UBE3C: variants seen among roughly 807,000 people sequenced by gnomAD.
The protein encoded by UBE3C is ubiquitin-protein ligase E3C.
UBE3C carries 42 observed loss-of-function variants against 129.4 expected under a neutral mutation model. The ratio of observed to expected loss-of-function variants is 0.32; its 90% CI spans 0.25 to 0.42. UBE3C has a LOEUF of 0.42. UBE3C is among the 10% of genes least tolerant of loss of function. The probability of loss-of-function intolerance (pLI) is 1.00; values close to 1 mark genes in which losing one functional copy is unlikely to be tolerated. For synonymous variants in UBE3C, 510 were observed against 492.4 expected, an observed-to-expected ratio of 1.04 and a Z score of -0.47; for missense variants, 1,049 against 1,319.1, an observed-to-expected ratio of 0.80 and a Z score of 3.17.
At chr7:157,210,060 C>A (rs1290149598) in intron 13 of UBE3C, among the ~76,000 whole-genome samples, 1 of 152,070 alleles carries the variant, frequency 6.6e-6, no homozygotes, top group African/African-American at 2.4e-5. Context: ...GCCTGTAATC[C>A]CAGCTACTAG....
chr7:157,256,939 T>C lies in UBE3C; in HGVS notation c.2976T>C (p.Val992=). ...YSGGYSADHP[V]IKVFWRVVEG... The stretch of plus-strand genomic sequence containing the variant: ...GAGGCTATTCTGCAGACCATCCTGT[T>C]ATTAAGGTCTTCTGGAGAGTTGTGG... Residue 992 remains valine, a synonymous_variant, in exon 22 of 23, where the codon GTT becomes GTC. Coordinates refer to ENST00000348165, the MANE Select transcript of UBE3C (RefSeq NM_014671.3). 1 of 1,614,186 alleles carries C rather than the reference T, an allele frequency of 6.2e-7. No homozygotes were observed. Among genetic ancestry groups the C allele is most frequent in the Non-Finnish European group, 8.5e-7 (1 of 1,180,022 alleles).
rs141928234 is a variant in UBE3C, at chr7:157,187,437, A to G, written c.1331+416A>G. ...CATCTCACTCTGTTGCCCAGAGTGCAGTGGTGTGATCATAGCTCACTGCAG... is the reference window on the plus strand; with the variant it reads ...CATCTCACTCTGTTGCCCAGAGTGCGGTGGTGTGATCATAGCTCACTGCAG... On this transcript the variant is annotated intron_variant, in intron 10 of 22. Coordinates refer to ENST00000348165, the MANE Select transcript of UBE3C (RefSeq NM_014671.3). 6.6e-3 allele frequency among the ~76,000 whole-genome samples: 982 copies of G among 148,024 alleles called. 10 individuals carry two copies. The highest frequency in any genetic ancestry group is 0.01 in the Non-Finnish European group (699 of 67,592).
At position 157,174,957 on chromosome 7, in the gene UBE3C, G is replaced by A. The variant is rs137977548; in HGVS notation, c.381G>A (p.Leu127=). 5.6e-5 allele frequency: 90 copies of A among 1,612,858 alleles called. No homozygotes were observed. The African/African-American group carries it at 8.1e-4, about 15-fold the overall frequency. ...AGAACTTAATTAAACACAGCTCTCTGTTTGTCAAGCAGTTGGATGGATCTG... is the reference window on the plus strand; with the variant it reads ...AGAACTTAATTAAACACAGCTCTCTATTTGTCAAGCAGTTGGATGGATCTG... ...LYQNLIKHSS[L]FVKQLDGSER... Residue 127 remains leucine, a synonymous_variant, in exon 5 of 23, where the codon CTG becomes CTA. Transcript: ENST00000348165.
chr7:157,261,324 A>G (rs1230785417), intron 22 of UBE3C, among the ~76,000 whole-genome samples: 2 of 140,626 alleles, frequency 1.4e-5, no homozygotes, highest in East Asian at 1.9e-4. Flanking sequence ...AAAAAAAAAA[A>G]AAAAAAAAAA....
intron 18 of UBE3C, among the ~76,000 whole-genome samples, chr7:157,235,140 A>C (rs1282714710): frequency 6.6e-6 from 1 of 152,218 alleles, no homozygotes; most frequent in Non-Finnish European, 1.5e-5. Context: ...TGGTGAGCCA[A>C]GGCCTTACCA....
chr7:157,225,292 G>A, intron 16 of UBE3C, 115 bp from the exon 17 acceptor site: 1 of 1,210,268 alleles, frequency 8.3e-7, no homozygotes, highest in Non-Finnish European at 1.1e-6. Context: ...TTGACTATTA[G>A]CATTTATTTC....
At chr7:157,191,511 G>C (rs944083175) in intron 10 of UBE3C, among the ~76,000 whole-genome samples, 5 of 152,086 alleles carry the variant, frequency 3.3e-5, no homozygotes, top group African/African-American at 1.2e-4. Flanking sequence ...GGCTGGTCTC[G>C]AACACCTGGG....
chr7:157,250,843 G>A (rs553874960), intron 19 of UBE3C, among the ~76,000 whole-genome samples: 2 of 152,254 alleles, frequency 1.3e-5, no homozygotes, highest in African/African-American at 4.8e-5. Context: ...GCCTTCGGAC[G>A]GTGAGTGTTG....
chr7:157,207,895 G>A lies in UBE3C; in HGVS notation c.1769G>A (p.Cys590Tyr). The A allele has an allele frequency of 6.2e-7, 1 of 1,609,778 alleles. No homozygotes were observed. Among genetic ancestry groups the A allele is most frequent in the Non-Finnish European group, 8.5e-7 (1 of 1,178,338 alleles). ...ACTACTAGCTCTGAAATGCAACAAT[G>A]CATACAGATGGAACAGAAAAGATGG... is the stretch of plus-strand genomic sequence containing the variant. ...GVTTSSEMQQCIQMEQKRWIQ... is the reference protein window; with the variant it reads ...GVTTSSEMQQYIQMEQKRWIQ... The change falls in exon 13 of 23, where the codon TGC (cysteine) becomes TAC (tyrosine). Residue 590 changes from cysteine (C) to tyrosine (Y), a missense_variant. Transcript: ENST00000348165.
chr7:157,241,122 G>C (rs551666226), intron 18 of UBE3C, among the ~76,000 whole-genome samples: 1 of 152,110 alleles, frequency 6.6e-6, no homozygotes, highest in East Asian at 1.9e-4. Context: ...GTGGTTCAAG[G>C]GTGCAAAAGA....
At chr7:157,211,167 G>GGAGAGAGAGAGA (rs3039783) in intron 13 of UBE3C, among the ~76,000 whole-genome samples, 3,778 of 137,040 alleles carry the variant, frequency 0.028, 167 homozygotes, top group Admixed American at 0.086. Flanking sequence ...CCATATGTCT[G>GGAGAGAGAGAGA]GAGAGAGAGA....
intron 1 of UBE3C, among the ~76,000 whole-genome samples, chr7:157,145,389 G>T (rs1586640131): frequency 6.6e-6 from 1 of 151,860 alleles, no homozygotes; most frequent in African/African-American, 2.4e-5. Flanking sequence ...GTGGTGACAG[G>T]TGCCTGTAAT....
At chr7:157,244,626 G>T (rs1452599644) in intron 18 of UBE3C, among the ~76,000 whole-genome samples, 1 of 152,180 alleles carries the variant, frequency 6.6e-6, no homozygotes, top group African/African-American at 2.4e-5. Flanking sequence ...GTAAATTACT[G>T]AAGTTATTTG....
intron 1 of UBE3C, among the ~76,000 whole-genome samples, chr7:157,149,548 A>C (rs572745959): frequency 2.6e-5 from 4 of 152,124 alleles, no homozygotes; most frequent in Non-Finnish European, 5.9e-5. Context: ...GCACTGGCAC[A>C]TCCCTGAGAG....
intron 1 of UBE3C, among the ~76,000 whole-genome samples, chr7:157,160,216 A>G (rs1285349321): frequency 3.3e-5 from 5 of 152,066 alleles, no homozygotes; most frequent in African/African-American, 1.2e-4. Context: ...CTGAGACTAC[A>G]GGTGCGCGCC....
chr7:157,251,247 TTA>T (rs1159053235), intron 19 of UBE3C, among the ~76,000 whole-genome samples: 1 of 152,246 alleles, frequency 6.6e-6, no homozygotes, highest in African/African-American at 2.4e-5. Flanking sequence ...TGTCAGCAGG[TTA>T]TGTTAATTAA....
chr7:157,267,781 C>T lies in UBE3C; in HGVS notation c.*26C>T, dbSNP rs1303863973. ...AGCTGATGCTGGGGTCAGACCCCTA[C>T]AGAGAACCAGTGCTTCCTTCGTCAG... On this transcript the variant is annotated 3_prime_UTR_variant, in exon 23 of 23. Coordinates refer to ENST00000348165, the MANE Select transcript of UBE3C (RefSeq NM_014671.3). The T allele has an allele frequency of 1.3e-6, 2 of 1,546,898 alleles. No individual in the cohort carries two copies. Among genetic ancestry groups the T allele is most frequent in the South Asian group, 2.5e-5 (2 of 80,212 alleles).
intron 21 of UBE3C, among the ~76,000 whole-genome samples, chr7:157,254,742 T>A (rs1796704426): frequency 6.6e-6 from 1 of 152,094 alleles, no homozygotes; most frequent in Non-Finnish European, 1.5e-5. Flanking sequence ...GTAATGTACA[T>A]GGTTCAAAAA....
At chr7:157,261,073 C>T (rs3779593) in intron 22 of UBE3C, among the ~76,000 whole-genome samples, 21,286 of 151,688 alleles carry the variant, frequency 0.14, 1,938 homozygotes, top group East Asian at 0.36. Context: ...GAGGCCAAGG[C>T]GGGTGGATCC....
Sources: gnomAD v4.1 joint callset for allele counts (sites outside exome capture counted in the v4.1 genomes callset) on GRCh38, gnomAD v4.1.1 for gene constraint, MANE v1.5 for transcripts, NCBI Gene and HGNC (gene_info 2026-07-23, HGNC 2026-07-21) for gene names.